Variants in ADCY3 observed in about 807,000 individuals in gnomAD.
ADCY3 encodes adenylate cyclase 3, also known as adenylate cyclase type 3.
In ADCY3, 70 loss-of-function variants were observed where a neutral mutation model predicts 119.4. The ratio of observed to expected loss-of-function variants is 0.59; its 90% CI spans 0.48 to 0.72. ADCY3 has a LOEUF of 0.72. Among genes scored for constraint, ADCY3 ranks in the 30% least tolerant of loss-of-function variants. ADCY3 has a pLI of 0.00. For synonymous variants in ADCY3, 672 were observed against 621.4 expected (o/e 1.08, Z -1.21); for missense variants, 1,238 against 1,541.6 (o/e 0.80, Z 3.30).
intron 2 of ADCY3, among the ~76,000 whole-genome samples, chr2:24,873,137 C>T (rs1335307996): frequency 6.6e-6 from 1 of 152,192 alleles, no homozygotes; most frequent in African/African-American, 2.4e-5. Context: ...AGGTGCTCTG[C>T]CAATTTGTTG....
At chr2:24,912,601 G>GCC (rs1250583782) in intron 2 of ADCY3, among the ~76,000 whole-genome samples, 20 of 41,040 alleles carry the variant, frequency 4.9e-4, no homozygotes, top group South Asian at 1.4e-3. Context: ...GTGTGTGTGT[G>GCC]TGCATGTGTG....
rs13383956 is a variant in ADCY3, at chr2:24,838,735, G to T, written c.1356-113C>A. ...GCTGCTGCTCGGCCCCGTGTCTCTC[G>T]GGCATGTGGGGCAGAGGCCAAGTGG... On this transcript the variant is annotated intron_variant, in intron 7 of 21. Coordinates refer to ENST00000679454, the MANE Select transcript of ADCY3 (RefSeq NM_004036.5). 9.0e-4 allele frequency: 1,430 copies of T among 1,582,706 alleles called. 17 individuals are homozygous for T. The African/African-American group carries it at 0.017, about 18-fold the overall frequency.
intron 9 of ADCY3, 98 bp downstream of exon 9, chr2:24,836,819 C>A (rs1670380310): frequency 2.0e-6 from 3 of 1,490,630 alleles, no homozygotes; most frequent in African/African-American, 2.8e-5. Flanking sequence ...GTGGCCAGGT[C>A]TCCCCAGCAC....
In ADCY3 at chr2:24,876,466, C is replaced by T. The variant is rs550866805; in HGVS notation, c.676-3747G>A. Among the ~76,000 whole-genome samples the T allele has an allele frequency of 2.0e-5, 3 of 152,354 alleles. No individual in the cohort carries two copies. In the East Asian group the frequency reaches 5.8e-4, roughly 29 times the overall value. ...TTCCATACACAGTGGTGGCCATTAT[C>T]TCTAAGCTAATAAGATTCAGAAATT... On this transcript the variant is annotated intron_variant, in intron 2 of 21. Coordinates refer to ENST00000679454, the MANE Select transcript of ADCY3 (RefSeq NM_004036.5).
chr2:24,908,985 T>G (rs1488762719), intron 2 of ADCY3, among the ~76,000 whole-genome samples: 1 of 152,116 alleles, frequency 6.6e-6, no homozygotes, highest in Non-Finnish European at 1.5e-5. Context: ...CCCCTCAGCC[T>G]CCCTACAGTT....
chr2:24,857,280 T>G (rs933469985), intron 3 of ADCY3, among the ~76,000 whole-genome samples: 1 of 152,224 alleles, frequency 6.6e-6, no homozygotes, highest in Non-Finnish European at 1.5e-5. Context: ...GGCCCAAAGA[T>G]GGCCACGTGT....
chr2:24,820,761 C>T lies in ADCY3; in HGVS notation c.3215G>A (p.Ser1072Asn). 2 of 1,614,146 alleles carry T rather than the reference C, an allele frequency of 1.2e-6. No homozygotes were observed. ...DIWGNTVNVA[S>N]RMESTGVMGN... ...CATGACCCCCGTGGACTCCATCCTG[C>T]TGGCTACATTGACTGTATTGCCCCA... The change falls in exon 21 of 22, where the codon AGC becomes AAC. Residue 1072 changes from serine (S) to asparagine (N), a missense_variant. This residue lies in a region of ADCY3 where 43 missense variants were observed against 77.0 expected (regional missense o/e 0.56). Transcript: ENST00000679454.
chr2:24,824,077 G>GA (rs1263235187), intron 17 of ADCY3, among the ~76,000 whole-genome samples: 1 of 152,224 alleles, frequency 6.6e-6, no homozygotes, highest in Non-Finnish European at 1.5e-5. Context: ...GTAGAGCTGG[G>GA]AACCACTCTG....
intron 3 of ADCY3, among the ~76,000 whole-genome samples, chr2:24,871,605 T>C (rs1016182201): frequency 5.9e-5 from 9 of 152,236 alleles, no homozygotes; most frequent in African/African-American, 2.2e-4. Flanking sequence ...ACCAAGGCCC[T>C]GTCCACCCGA....
At chr2:24,850,451 T>C (rs552530735) in intron 3 of ADCY3, among the ~76,000 whole-genome samples, 1 of 152,208 alleles carries the variant, frequency 6.6e-6, no homozygotes, top group Admixed American at 6.5e-5. Context: ...GGTCCCACAG[T>C]GGGGGACAGG....
chr2:24,901,896 G>A (rs1678940801), intron 2 of ADCY3, among the ~76,000 whole-genome samples: 1 of 150,524 alleles, frequency 6.6e-6, no homozygotes, highest in African/African-American at 2.5e-5. Context: ...TGACTGTATA[G>A]CTAAATGTTT....
At chr2:24,843,042 C>T (rs750237339) in intron 3 of ADCY3, among the ~76,000 whole-genome samples, 5 of 152,330 alleles carry the variant, frequency 3.3e-5, no homozygotes, top group African/African-American at 7.2e-5. Context: ...GAGCCTTGGT[C>T]GAGCCCAAGA....
rs1290152306 is a variant in ADCY3 at position 24,918,550 on chromosome 2, G to A, written c.438C>T (p.Leu146=). Residue 146 remains leucine (L), a synonymous_variant, in exon 2 of 22, where the codon CTC becomes CTT. Transcript: ENST00000679454. This position sits in a 1 kb window ranked among gnomAD's most constrained non-coding sequence, Gnocchi z 5.4. ...GGTAGGAGAAGATCTGGGCGGTTATGAGCAGCCACAGCACGTAGGGCAGCA... is the reference window on the plus strand; with the variant it reads ...GGTAGGAGAAGATCTGGGCGGTTATAAGCAGCCACAGCACGTAGGGCAGCA... ...RRVLPYVLWL[L]ITAQIFSYLG... is the part of the protein sequence containing the mutation. 21 of 1,613,998 alleles carry A rather than the reference G, an allele frequency of 1.3e-5. No homozygotes were observed. The highest frequency in any genetic ancestry group is 1.8e-5 in the Non-Finnish European group (21 of 1,180,030).
In ADCY3 at chr2:24,819,479, C is replaced by T. The variant is rs1471932339; in HGVS notation, c.*453G>A. The T allele has an allele frequency of 6.5e-6, 1 of 154,418 alleles. No homozygotes were observed. The allele number at this position is 154,418 out of a possible 1,614,324, so 9.6% of individuals were successfully genotyped here. A position where few individuals can be genotyped will look rare whatever the true frequency, so the allele number is the denominator to read the frequency against. ...AGGAACACCAGGACGAGGGCCGTCT[C>T]ACCTCACTCGGACCACATGGAGACC... On this transcript the variant is annotated 3_prime_UTR_variant, in exon 22 of 22. Transcript: ENST00000679454.
chr2:24,910,707 C>A (rs1235374847), intron 2 of ADCY3, among the ~76,000 whole-genome samples: 1 of 148,982 alleles, frequency 6.7e-6, no homozygotes, highest in Admixed American at 6.7e-5. Context: ...TGTCACCAGG[C>A]ACAATCTCAG....
At chr2:24,883,474 GT>G (rs1676658685) in intron 2 of ADCY3, among the ~76,000 whole-genome samples, 1 of 152,214 alleles carries the variant, frequency 6.6e-6, no homozygotes, top group African/African-American at 2.4e-5. Flanking sequence ...CTCAGTTGGA[GT>G]TTTCACATGT....
chr2:24,839,489 G>T (rs187492476), intron 7 of ADCY3, among the ~76,000 whole-genome samples: 77 of 152,312 alleles, frequency 5.1e-4, no homozygotes, highest in African/African-American at 1.8e-3. Context: ...CGCTGCCTGC[G>T]AGCCCGCTAG....
chr2:24,834,650 C>T lies in ADCY3; in HGVS notation c.1806-4G>A. 6.2e-7 allele frequency: 1 copy of T among 1,613,612 alleles called. No individual in the cohort carries two copies. Among genetic ancestry groups the T allele is most frequent in the South Asian group, 1.1e-5 (1 of 91,050 alleles). ...GAAGGTGTTTCTCTTCTTTACTCTG[C>T]AGTGGGAACAAGCCCCATGAATCCC... On this transcript the variant is annotated splice_polypyrimidine_tract_variant and splice_region_variant and intron_variant, in intron 10 of 21. Coordinates refer to ENST00000679454, the MANE Select transcript of ADCY3 (RefSeq NM_004036.5). This position sits in a 1 kb window ranked among gnomAD's most constrained non-coding sequence, Gnocchi z 4.2.
At chr2:24,820,603 C>T (rs1667483132) in intron 21 of ADCY3, 121 bp downstream of exon 21, 1 of 1,508,644 alleles carries the variant, frequency 6.6e-7, no homozygotes, top group African/African-American at 1.4e-5. Context: ...TGCCCCACGT[C>T]TCTGCCTCTG....
Sources: gnomAD v4.1 joint callset for allele counts (sites outside exome capture counted in the v4.1 genomes callset) on GRCh38, gnomAD v4.1.1 for gene constraint, gnomAD v4.1.1 regional missense constraint, Gnocchi (gnomAD v3.1) non-coding constraint, MANE v1.5 for transcripts, NCBI Gene and HGNC (gene_info 2026-07-23, HGNC 2026-07-21) for gene names.